The following GPR39 variants were observed in gnomAD, a reference collection of about 807,000 sequenced individuals.
GPR39 encodes the protein zinc sensing receptor.
A neutral mutation model predicts 18.4 loss-of-function variants in GPR39; 23 were observed. The ratio of observed to expected loss-of-function variants is 1.25; its 90% CI spans 0.90 to 1.77. The LOEUF is 1.77. GPR39 is among the 40% of genes most tolerant of loss of function. GPR39 has a pLI of 0.00. For missense variants in GPR39, 647 were observed against 602.4 expected (o/e 1.07, Z -0.78); for synonymous variants, 280 against 257.9 (o/e 1.09, Z -0.82).
chr2:132,589,583 C>T (rs1215791560), intron 1 of GPR39, among the ~76,000 whole-genome samples: 1 of 152,188 alleles, frequency 6.6e-6, no homozygotes, highest in African/African-American at 2.4e-5. Flanking sequence ...CATTAGAGAG[C>T]GTCTGGGCTG....
intron 1 of GPR39, among the ~76,000 whole-genome samples, chr2:132,613,574 A>C (rs554634101): frequency 1.3e-5 from 2 of 152,356 alleles, no homozygotes; most frequent in South Asian, 4.1e-4. Context: ...TCTCCTGCTG[A>C]ACTGCAAGCC....
intron 1 of GPR39, among the ~76,000 whole-genome samples, chr2:132,550,670 G>A (rs1346393890): frequency 1.3e-5 from 2 of 152,158 alleles, no homozygotes; most frequent in Non-Finnish European, 2.9e-5. Flanking sequence ...GATCTGAAGG[G>A]GACCCCAGGA....
At chr2:132,526,970 C>A (rs917008385) in intron 1 of GPR39, among the ~76,000 whole-genome samples, 3 of 152,074 alleles carry the variant, frequency 2.0e-5, no homozygotes, top group African/African-American at 7.2e-5. Flanking sequence ...TTGTGGGATA[C>A]ATGTGCAGAA....
intron 1 of GPR39, among the ~76,000 whole-genome samples, chr2:132,434,846 G>A (rs1680284076): frequency 1.3e-5 from 2 of 152,182 alleles, no homozygotes; most frequent in Non-Finnish European, 2.9e-5. Flanking sequence ...ATCAGGTGGG[G>A]GTGAAGGGTT....
At chr2:132,579,020 CTT>C (rs1179598949) in intron 1 of GPR39, among the ~76,000 whole-genome samples, 1 of 151,288 alleles carries the variant, frequency 6.6e-6, no homozygotes, top group Non-Finnish European at 1.5e-5. Context: ...TTTTTTCTCT[CTT>C]CTTTTTTAAG....
chr2:132,555,626 C>T (rs940977087), intron 1 of GPR39, among the ~76,000 whole-genome samples: 7 of 152,250 alleles, frequency 4.6e-5, no homozygotes, highest in East Asian at 1.9e-4. Context: ...GATTCAGCTT[C>T]GGAAGTCACT....
rs566139041 is a variant in GPR39, at chr2:132,574,506, A to C, written c.857-70595A>C. 1.5e-4 allele frequency among the ~76,000 whole-genome samples: 23 copies of C among 152,286 alleles called. No homozygotes were observed. In the South Asian group the frequency reaches 4.6e-3, roughly 30 times the overall value. Reference sequence around the variant, plus strand: ...AGCACTTTGGGAGGCTGAGGCAGGCAGATCTCTTGACCCCAGGATTTCAAG... The same window carrying C: ...AGCACTTTGGGAGGCTGAGGCAGGCCGATCTCTTGACCCCAGGATTTCAAG... On this transcript the variant is annotated intron_variant, in intron 1 of 1. Transcript: ENST00000329321.
intron 1 of GPR39, among the ~76,000 whole-genome samples, chr2:132,611,783 G>C (rs1466272254): frequency 1.3e-5 from 2 of 152,010 alleles, no homozygotes; most frequent in Non-Finnish European, 2.9e-5. Flanking sequence ...TTTCTTTTTT[G>C]ATTGACTTGC....
chr2:132,597,240 T>C (rs1680964318), intron 1 of GPR39, among the ~76,000 whole-genome samples: 1 of 152,194 alleles, frequency 6.6e-6, no homozygotes, highest in Admixed American at 6.5e-5. Context: ...AAAGGGTAAG[T>C]GCCCCTGATC....
At chr2:132,454,546 C>T (rs2104772932) in intron 1 of GPR39, among the ~76,000 whole-genome samples, 1 of 152,320 alleles carries the variant, frequency 6.6e-6, no homozygotes, top group South Asian at 2.1e-4. Flanking sequence ...GAGAGGGCAT[C>T]CTTGTCTTGT....
intron 1 of GPR39, among the ~76,000 whole-genome samples, chr2:132,627,880 G>T (rs1213351248): frequency 1.3e-5 from 2 of 152,168 alleles, no homozygotes; most frequent in African/African-American, 4.8e-5. Context: ...TTACAGCTTG[G>T]CAGGGTTGGG....
chr2:132,571,806 G>A (rs968019798), intron 1 of GPR39, among the ~76,000 whole-genome samples: 30 of 152,136 alleles, frequency 2.0e-4, no homozygotes, highest in African/African-American at 6.8e-4. Context: ...CACAGCATTC[G>A]ATGCAAGGCT....
intron 1 of GPR39, among the ~76,000 whole-genome samples, chr2:132,640,467 G>A (rs1282520854): frequency 6.6e-6 from 1 of 152,200 alleles, no homozygotes; most frequent in Non-Finnish European, 1.5e-5. Flanking sequence ...ATAGCCCAGA[G>A]TGCAAGGCTG....
intron 1 of GPR39, among the ~76,000 whole-genome samples, chr2:132,418,753 C>G (rs1009964223): frequency 6.6e-6 from 1 of 152,156 alleles, no homozygotes; most frequent in East Asian, 1.9e-4. Flanking sequence ...GGAGACAAGG[C>G]TTTAATGGAG....
intron 1 of GPR39, among the ~76,000 whole-genome samples, chr2:132,425,277 A>G (rs1247639376): frequency 6.6e-6 from 1 of 152,186 alleles, no homozygotes; most frequent in African/African-American, 2.4e-5. Context: ...AGAAGGGGGC[A>G]CAGATGATGT....
intron 1 of GPR39, among the ~76,000 whole-genome samples, chr2:132,607,231 G>C (rs72985819): frequency 6.6e-6 from 1 of 152,098 alleles, no homozygotes; most frequent in South Asian, 2.1e-4. Flanking sequence ...AAGATATTTG[G>C]TTTTTTTAAA....
intron 1 of GPR39, among the ~76,000 whole-genome samples, chr2:132,613,724 G>T (rs1297248718): frequency 6.6e-6 from 1 of 152,156 alleles, no homozygotes; most frequent in Non-Finnish European, 1.5e-5. Flanking sequence ...TCCTCATCTT[G>T]TTCTTTCTCA....
intron 1 of GPR39, among the ~76,000 whole-genome samples, chr2:132,469,951 C>T (rs942606228): frequency 4.6e-5 from 7 of 152,060 alleles, no homozygotes; most frequent in African/African-American, 1.7e-4. Flanking sequence ...GAGGAGTTGG[C>T]AAAAGTCTGT....
At chr2:132,466,691 A>G (rs1680932619) in intron 1 of GPR39, among the ~76,000 whole-genome samples, 1 of 152,228 alleles carries the variant, frequency 6.6e-6, no homozygotes, top group Non-Finnish European at 1.5e-5. Context: ...TGTGCAAATT[A>G]GTTGCTGGGT....
Sources: gnomAD v4.1 joint callset for allele counts (sites outside exome capture counted in the v4.1 genomes callset) on GRCh38, gnomAD v4.1.1 for gene constraint, MANE v1.5 for transcripts, NCBI Gene and HGNC (gene_info 2026-07-23, HGNC 2026-07-21) for gene names.